TIMM23B: variants seen among roughly 807,000 people sequenced by gnomAD.
The protein encoded by TIMM23B is mitochondrial import inner membrane translocase subunit Tim23B.
Under a neutral mutation model 27.3 loss-of-function variants are expected in TIMM23B, and 27 were observed. The ratio of observed to expected loss-of-function variants is 0.99; its 90% CI spans 0.73 to 1.36. TIMM23B has a LOEUF of 1.36. Among genes scored for constraint, TIMM23B ranks in the 40% most tolerant of loss-of-function variants. The pLI is 0.00. For missense variants in TIMM23B, 205 were observed against 244.2 expected (o/e 0.84, Z 1.07); for synonymous variants, 73 against 92.4 (o/e 0.79, Z 1.21).
chr10:49,969,366 G>A (rs1840311858), intron 6 of TIMM23B, among the ~76,000 whole-genome samples: 1 of 149,602 alleles, frequency 6.7e-6, no homozygotes, highest in African/African-American at 2.5e-5. Context: ...GAGCCCAGGA[G>A]GTCAAAGCTG....
Position 49,945,040 on chromosome 10 carries a change from A to G in TIMM23B, c.115A>G (p.Met39Val). ...TTTTGTTTTCTCTCTAGTAACTGGT[A>G]TGAACCCTCTGTGTCCTTATTTAAA... is the stretch of plus-strand genomic sequence containing the variant. The part of the protein sequence containing the change: ...ADLAGVPLTG[M>V]NPLCPYLNVD... The change falls in exon 2 of 7, where the codon ATG (methionine) becomes GTG (valine). Residue 39 changes from methionine to valine, a missense_variant. Met to Val is a conservative substitution (Grantham distance 21, BLOSUM62 1). Transcript: ENST00000651259. 7.5e-6 allele frequency: 12 copies of G among 1,594,550 alleles called. No individual in the cohort carries two copies. The highest frequency in any genetic ancestry group is 4.4e-5 in the South Asian group (4 of 89,962).
chr10:49,971,274 C>G (rs1347441305), intron 6 of TIMM23B, among the ~76,000 whole-genome samples: 2 of 151,218 alleles, frequency 1.3e-5, no homozygotes, highest in Admixed American at 1.3e-4. Flanking sequence ...CACTATTGTC[C>G]TATGACCCTG....
At position 49,952,508 on chromosome 10, in the gene TIMM23B, G is replaced by C; in HGVS notation, c.319G>C (p.Ala107Pro). 1.2e-6 allele frequency: 2 copies of C among 1,613,162 alleles called. No individual in the cohort carries two copies. Among genetic ancestry groups the C allele is most frequent in the Non-Finnish European group, 8.5e-7 (1 of 1,179,418 alleles). The change falls in exon 4 of 7, where the codon GCC becomes CCC. Residue 107 changes from alanine (A) to proline (P), a missense_variant. Coordinates refer to ENST00000651259, the MANE Select transcript of TIMM23B (RefSeq NM_001290117.2). ...AGGATTGAAGGAAACCCAGAACATG[G>C]CCTGGTCCAAACCAGGAAATGTACA... ...RLGLKETQNM[A>P]WSKPGNVQIL...
chr10:49,956,426 C>CGT (rs1173703740), intron 5 of TIMM23B, among the ~76,000 whole-genome samples: 12,957 of 113,846 alleles, frequency 0.11, 1,252 homozygotes, highest in East Asian at 0.3. Context: ...ACTAGAAATA[C>CGT]GTGTGTGTGT....
In TIMM23B at chr10:49,958,623, T is replaced by A. The variant is rs1707758060; in HGVS notation, c.514+143T>A. The A allele has an allele frequency of 1.5e-5, 13 of 842,980 alleles. No individual in the cohort carries two copies. The South Asian group carries it at 2.2e-4, about 14-fold the overall frequency. The allele number at this position is 842,980 out of a possible 1,614,324, so 52.2% of individuals were successfully genotyped here. A position where few individuals can be genotyped will look rare whatever the true frequency, so the allele number is the denominator to read the frequency against. On this transcript the variant is annotated intron_variant, in intron 6 of 6. Transcript: ENST00000651259. Reference sequence around the variant, plus strand: ...GGTTATTTTGGTTTGGTTTGGTTTTTAATTGTGGTAAAATATGAGATTTAC... The same window carrying A: ...GGTTATTTTGGTTTGGTTTGGTTTTAAATTGTGGTAAAATATGAGATTTAC...
In TIMM23B at chr10:49,962,585, C is replaced by T. The variant is rs1156928856; in HGVS notation, c.514+4105C>T. ...TGACTCCAGATTCTACTCCTATTCC[C>T]ATTGTCTTTTAACTCCCACTTCAGG... On this transcript the variant is annotated intron_variant, in intron 6 of 6. Coordinates refer to ENST00000651259, the MANE Select transcript of TIMM23B (RefSeq NM_001290117.2). 2.5e-3 allele frequency among the ~76,000 whole-genome samples: 375 copies of T among 152,226 alleles called. 2 individuals are homozygous for T. The highest frequency in any genetic ancestry group is 3.7e-3 in the Non-Finnish European group (252 of 67,998).
chr10:49,943,453 TC>T, intron 1 of TIMM23B: 1 of 152,084 alleles, frequency 6.6e-6, no homozygotes, highest in African/African-American at 2.4e-5. Context: ...GGTCTCAAAC[TC>T]TCGAACTCAG....
intron 2 of TIMM23B, among the ~76,000 whole-genome samples, chr10:49,950,986 C>T (rs1839512490): frequency 6.6e-6 from 1 of 152,032 alleles, no homozygotes; most frequent in East Asian, 1.9e-4. Context: ...AAACAAAAAG[C>T]AGTTTAATAC....
At chr10:49,960,156 A>C (rs1433920043) in intron 6 of TIMM23B, among the ~76,000 whole-genome samples, 2 of 149,170 alleles carry the variant, frequency 1.3e-5, no homozygotes, top group Non-Finnish European at 3.0e-5. Context: ...CAGGTGATCC[A>C]TCTCAGCCTC....
intron 6 of TIMM23B, among the ~76,000 whole-genome samples, chr10:49,959,095 C>G (rs1224548602): frequency 3.3e-5 from 5 of 152,268 alleles, no homozygotes; most frequent in African/African-American, 1.2e-4. Context: ...CTTCAAGGTC[C>G]TTCTTTCTTT....
chr10:49,947,954 A>G (rs1839406802), intron 2 of TIMM23B, among the ~76,000 whole-genome samples: 1 of 152,164 alleles, frequency 6.6e-6, no homozygotes, highest in Non-Finnish European at 1.5e-5. Flanking sequence ...GGAAAAGACA[A>G]TCCACAGACT....
chr10:49,969,436 CAAA>C (rs533041097), intron 6 of TIMM23B, among the ~76,000 whole-genome samples: 29 of 74,730 alleles, frequency 3.9e-4, no homozygotes, highest in Admixed American at 4.7e-4. Context: ...GACCCTGTGT[CAAA>C]AAAAAAAAAA....
chr10:49,967,330 T>G (rs1420590780), intron 6 of TIMM23B, among the ~76,000 whole-genome samples: 1 of 152,236 alleles, frequency 6.6e-6, no homozygotes, highest in African/African-American at 2.4e-5. Context: ...GGTGCTATAC[T>G]TAGAGTGCCT....
At chr10:49,953,856 G>A (rs1242104672) in intron 4 of TIMM23B, among the ~76,000 whole-genome samples, 1 of 152,076 alleles carries the variant, frequency 6.6e-6, no homozygotes, top group Non-Finnish European at 1.5e-5. Flanking sequence ...CATCAACCAT[G>A]GCCAGTTCTA....
intron 5 of TIMM23B, among the ~76,000 whole-genome samples, chr10:49,957,748 C>T (rs1418971247): frequency 6.6e-6 from 1 of 152,180 alleles, no homozygotes; most frequent in Non-Finnish European, 1.5e-5. Flanking sequence ...CTTCCGACCC[C>T]ATCCACTTGG....
chr10:49,958,216 A>G (rs1201081204), intron 5 of TIMM23B, among the ~76,000 whole-genome samples, 154 bp from the exon 6 acceptor site: 1 of 152,164 alleles, frequency 6.6e-6, no homozygotes, highest in Non-Finnish European at 1.5e-5. Context: ...TTCCAGAACC[A>G]AGGACAAATA....
At chr10:49,969,643 G>A (rs528668657) in intron 6 of TIMM23B, among the ~76,000 whole-genome samples, 2,151 of 151,474 alleles carry the variant, frequency 0.014, 19 homozygotes, top group Middle Eastern at 0.027. Context: ...GCAGTGAGCC[G>A]TGATCATGCC....
At chr10:49,950,981 A>C (rs1406663133) in intron 2 of TIMM23B, among the ~76,000 whole-genome samples, 2 of 152,208 alleles carry the variant, frequency 1.3e-5, no homozygotes, top group African/African-American at 2.4e-5. Flanking sequence ...AACTCAAACA[A>C]AAAGCAGTTT....
At chr10:49,960,238 A>G (rs1173819791) in intron 6 of TIMM23B, among the ~76,000 whole-genome samples, 6 of 144,418 alleles carry the variant, frequency 4.2e-5, no homozygotes, top group African/African-American at 1.3e-4. Flanking sequence ...TTTTTCGGAG[A>G]TGGGGTCTCA....
Sources: gnomAD v4.1 joint callset for allele counts (sites outside exome capture counted in the v4.1 genomes callset) on GRCh38, gnomAD v4.1.1 for gene constraint, MANE v1.5 for transcripts, NCBI Gene and HGNC (gene_info 2026-07-23, HGNC 2026-07-21) for gene names.